Variants in HCN2 observed in about 807,000 individuals in gnomAD.
HCN2 encodes the protein hyperpolarization activated cyclic nucleotide gated potassium and sodium channel 2.
Under a neutral mutation model 52.3 loss-of-function variants are expected in HCN2, and 20 were observed. The observed-to-expected ratio is 0.38, with a 90% CI of 0.27 to 0.56. The LOEUF is 0.56. Among genes scored for constraint, HCN2 ranks in the 20% least tolerant of loss-of-function variants. The pLI is 0.71. For synonymous variants in HCN2, 694 were observed against 537.0 expected, an observed-to-expected ratio of 1.29 and a Z score of -4.04; for missense variants, 981 against 1,207.7, an observed-to-expected ratio of 0.81 and a Z score of 2.78.
At chr19:595,176 C>G (rs549220169) in intron 1 of HCN2, among the ~76,000 whole-genome samples, 1 of 150,094 alleles carries the variant, frequency 6.7e-6, no homozygotes, top group Non-Finnish European at 1.5e-5. Flanking sequence ...CACTCCGGCC[C>G]GGGAAACAGA....
Position 616,959 on chromosome 19 carries a change from G to C in HCN2, c.*485G>C, listed in dbSNP as rs1468189334. On this transcript the variant is annotated 3_prime_UTR_variant, in exon 8 of 8. Coordinates refer to ENST00000251287, the MANE Select transcript of HCN2 (RefSeq NM_001194.4). Reference sequence around the variant, plus strand: ...TCCGCGCGCGTCCCCCGGTGACCTCGGGGAGCAGCACCCCGCCTCCCTCCA... The same window carrying C: ...TCCGCGCGCGTCCCCCGGTGACCTCCGGGAGCAGCACCCCGCCTCCCTCCA... 5 of 431,200 alleles carry C rather than the reference G, an allele frequency of 1.2e-5. No homozygotes were observed. Among genetic ancestry groups the C allele is most frequent in the Non-Finnish European group, 1.7e-5 (4 of 233,908 alleles). The allele number at this position is 431,200 out of a possible 1,614,324, so 26.7% of individuals were successfully genotyped here.
Position 603,874 on chromosome 19 carries a change from C to T in HCN2, c.963C>T (p.Arg321=), listed in dbSNP as rs55780677. The change falls in exon 2 of 8, where the codon CGC becomes CGT. Residue 321 remains arginine, a synonymous_variant. Coordinates refer to ENST00000251287, the MANE Select transcript of HCN2 (RefSeq NM_001194.4). ...GIDSEVYKTA[R]ALRIVRFTKI... The stretch of plus-strand genomic sequence containing the variant: ...ACTCCGAGGTCTACAAGACGGCACG[C>T]GCCCTGCGCATCGTGCGCTTCACCA... 0.13 allele frequency: 211,111 copies of T among 1,612,084 alleles called. 18,434 individuals carry two copies. Among genetic ancestry groups the T allele is most frequent in the South Asian group, 0.35 (31,937 of 91,050 alleles).
intron 2 of HCN2, among the ~76,000 whole-genome samples, chr19:604,858 GC>G (rs1176066693): frequency 2.3e-3 from 83 of 36,586 alleles, no homozygotes; most frequent in African/African-American, 0.012. Flanking sequence ...GTAGAGGTGG[GC>G]GGGGTCCTGG....
chr19:613,561 G>A (rs1335475476), intron 6 of HCN2, 73 bp downstream of exon 6: 3 of 589,520 alleles, frequency 5.1e-6, no homozygotes, highest in Non-Finnish European at 2.5e-6. Flanking sequence ...CCAGGGGGCC[G>A]GGGCCGGGGC....
chr19:601,583 A>G (rs376311623), intron 1 of HCN2, among the ~76,000 whole-genome samples: 3 of 150,622 alleles, frequency 2.0e-5, no homozygotes, highest in Non-Finnish European at 2.9e-5. Context: ...GTCGTCCGCA[A>G]TCAAGCTGGT....
chr19:612,014 G>A (rs1020431314), intron 5 of HCN2, among the ~76,000 whole-genome samples: 3 of 152,072 alleles, frequency 2.0e-5, no homozygotes, highest in Non-Finnish European at 2.9e-5. Flanking sequence ...GCGTGGTGGT[G>A]GGCGCCTGTA....
chr19:610,504 C>T, intron 5 of HCN2, 99 bp downstream of exon 5: 1 of 1,079,502 alleles, frequency 9.3e-7, no homozygotes, highest in Non-Finnish European at 1.4e-6. Flanking sequence ...GGCGAGGTGC[C>T]TAGGCTGCAG....
At chr19:595,370 C>T (rs780841461) in intron 1 of HCN2, among the ~76,000 whole-genome samples, 3 of 151,808 alleles carry the variant, frequency 2.0e-5, no homozygotes, top group Non-Finnish European at 2.9e-5. Flanking sequence ...TTTCTGGCCT[C>T]CCGGCTGTCA....
Position 617,017 on chromosome 19 carries a change from A to T in HCN2, c.*543A>T, listed in dbSNP as rs1306148982. The stretch of plus-strand genomic sequence containing the variant: ...CACCGAGAGGCAGGCCTGGCTGCGC[A>T]GGGCGCGGGGGGGAGGCTGGGGTCC... On this transcript the variant is annotated 3_prime_UTR_variant, in exon 8 of 8. Coordinates refer to ENST00000251287, the MANE Select transcript of HCN2 (RefSeq NM_001194.4). 15 of 495,780 alleles carry T rather than the reference A, an allele frequency of 3.0e-5. 1 individual carries two copies. The highest frequency in any genetic ancestry group is 7.4e-6 in the Non-Finnish European group (2 of 269,834). 30.7% of individuals were successfully genotyped at this position (495,780 alleles called of 1,614,324 possible). A position where few individuals can be genotyped will look rare whatever the true frequency, so the allele number is the denominator to read the frequency against.
rs760485942 is a variant in HCN2, at chr19:590,613, G to C, written c.632+36G>C. On this transcript the variant is annotated intron_variant, in intron 1 of 7. Coordinates refer to ENST00000251287, the MANE Select transcript of HCN2 (RefSeq NM_001194.4). This position sits in a 1 kb window ranked among gnomAD's most constrained non-coding sequence, Gnocchi z 7.2. ...CGGGAGGGCCGGTCGGCGCGAGGGG[G>C]CCCGGGGAGCCGGGCGCGCGGGGAG... 27 of 1,316,726 alleles carry C rather than the reference G, an allele frequency of 2.1e-5. No individual in the cohort carries two copies. Among genetic ancestry groups the C allele is most frequent in the Non-Finnish European group, 2.5e-5 (26 of 1,021,040 alleles). The allele number at this position is 1,316,726 out of a possible 1,614,324, so 81.6% of individuals were successfully genotyped here.
chr19:611,414 C>T (rs1033464958), intron 5 of HCN2, among the ~76,000 whole-genome samples: 8 of 152,078 alleles, frequency 5.3e-5, no homozygotes, highest in African/African-American at 7.2e-5. Flanking sequence ...AGGGTGTCCC[C>T]GGTGTAGCAC....
intron 7 of HCN2, among the ~76,000 whole-genome samples, chr19:614,844 G>A (rs1983827362): frequency 6.6e-6 from 1 of 152,192 alleles, no homozygotes; most frequent in African/African-American, 2.4e-5. Context: ...GAGGGGCAGA[G>A]CCCTGATGAC....
At chr19:603,417 GCTC>G in intron 1 of HCN2, 124 bp from the exon 2 acceptor site, 1 of 689,108 alleles carries the variant, frequency 1.5e-6, no homozygotes, top group East Asian at 2.7e-5. Flanking sequence ...GGTCCCGCAG[GCTC>G]CTCGGAGGAG....
At position 616,372 on chromosome 19, in the gene HCN2, C is replaced by G. The variant is rs776681778; in HGVS notation, c.2568C>G (p.Ala856=). The part of the protein sequence containing the change: ...PRLGPTPAAR[A]AAPSPDRRDS... ...TGGGGCCCACGCCCGCTGCCCGGGCCGCCGCGCCCAGCCCGGACCGCAGGG... is the reference window on the plus strand; with the variant it reads ...TGGGGCCCACGCCCGCTGCCCGGGCGGCCGCGCCCAGCCCGGACCGCAGGG... Residue 856 remains alanine (A), a synonymous_variant, in exon 8 of 8, where the codon GCC becomes GCG. Transcript: ENST00000251287. 8.1e-7 allele frequency: 1 copy of G among 1,228,156 alleles called. No individual in the cohort carries two copies. The highest frequency in any genetic ancestry group is 1.6e-5 in the African/African-American group (1 of 61,810). 76.1% of individuals were successfully genotyped at this position (1,228,156 alleles called of 1,614,324 possible).
rs1983794659 is a variant in HCN2, at chr19:614,077, G to GGGCGGGTGCC, written c.1990+61_1990+62insGGCGGGTGCC. 3.6e-3 allele frequency: 4,553 copies of GGGCGGGTGCC among 1,278,674 alleles called. 1 individual carries two copies. Among genetic ancestry groups the GGGCGGGTGCC allele is most frequent in the Non-Finnish European group, 4.3e-3 (4,104 of 956,588 alleles). 79.2% of individuals were successfully genotyped at this position (1,278,674 alleles called of 1,614,324 possible). A position where few individuals can be genotyped will look rare whatever the true frequency, so the allele number is the denominator to read the frequency against. Reference sequence around the variant, plus strand: ...CTGGCGGGGGAGGGGCGTGGCCAAGGCATCAGGAGAGTGGCTTGGACAGTG... The same window carrying GGGCGGGTGCC: ...CTGGCGGGGGAGGGGCGTGGCCAAGGGGCGGGTGCCCATCAGGAGAGTGGCTTGGACAGTG... On this transcript the variant is annotated intron_variant, in intron 7 of 7. Coordinates refer to ENST00000251287, the MANE Select transcript of HCN2 (RefSeq NM_001194.4).
At chr19:606,048 G>A (rs745816073) in intron 3 of HCN2, among the ~76,000 whole-genome samples, 17 of 152,284 alleles carry the variant, frequency 1.1e-4, no homozygotes, top group Middle Eastern at 3.4e-3. Flanking sequence ...TGCTTAGCGC[G>A]TTTTCCAATG....
rs113702582 is a variant in HCN2, at chr19:612,733, CT to C, written c.1585-500del. Among the ~76,000 whole-genome samples, 1,401 of 141,652 alleles carry C rather than the reference CT, an allele frequency of 9.9e-3. 19 individuals carry two copies. Among genetic ancestry groups the C allele is most frequent in the African/African-American group, 0.028 (1,055 of 38,036 alleles). 92.9% of individuals were successfully genotyped at this position (141,652 alleles called of 152,430 possible). A position where few individuals can be genotyped will look rare whatever the true frequency, so the allele number is the denominator to read the frequency against. On this transcript the variant is annotated intron_variant, in intron 5 of 7. Coordinates refer to ENST00000251287, the MANE Select transcript of HCN2 (RefSeq NM_001194.4). ...CCCGGCCTTATTTTTCCCCCATTTT[CT>C]TTTTTTTTTTTTTTGAGTCAGGGTC... is the stretch of plus-strand genomic sequence containing the variant.
chr19:593,506 G>C (rs970428816), intron 1 of HCN2, among the ~76,000 whole-genome samples: 1 of 152,204 alleles, frequency 6.6e-6, no homozygotes, highest in Non-Finnish European at 1.5e-5. Flanking sequence ...TGTAATCCCA[G>C]CTACTCGGGA....
intron 1 of HCN2, among the ~76,000 whole-genome samples, chr19:598,802 G>T (rs888846306): frequency 9.2e-5 from 14 of 151,902 alleles, no homozygotes; most frequent in African/African-American, 3.4e-4. Flanking sequence ...TAGAGACGGG[G>T]TTTCACCGTG....
Sources: allele counts gnomAD v4.1 joint callset (sites outside exome capture counted in the v4.1 genomes callset), GRCh38; gene constraint gnomAD v4.1.1; non-coding constraint Gnocchi (gnomAD v3.1); transcripts MANE v1.5; gene names NCBI Gene and HGNC (gene_info 2026-07-23, HGNC 2026-07-21).